The following STRN3 variants were observed in gnomAD, a reference collection of about 807,000 sequenced individuals.
The protein encoded by STRN3 is striatin-3.
In STRN3, 29 loss-of-function variants were observed where a neutral mutation model predicts 95.6. The ratio of observed to expected loss-of-function variants is 0.30; its 90% CI spans 0.23 to 0.41. STRN3 has a LOEUF of 0.41. Among genes scored for constraint, STRN3 ranks in the 10% least tolerant of loss-of-function variants. The pLI is 1.00. For missense variants in STRN3, 890 were observed against 972.1 expected (o/e 0.92, Z 1.12); for synonymous variants, 331 against 357.6 (o/e 0.93, Z 0.84).
chr14:30,935,745 C>CA (rs1423147287), intron 6 of STRN3, among the ~76,000 whole-genome samples: 1 of 151,998 alleles, frequency 6.6e-6, no homozygotes, highest in African/African-American at 2.4e-5. Flanking sequence ...CCTTCCAGAA[C>CA]AAAAAAATTA....
intron 1 of STRN3, among the ~76,000 whole-genome samples, chr14:30,987,611 T>C (rs765353124): frequency 3.9e-5 from 6 of 152,096 alleles, no homozygotes; most frequent in South Asian, 4.1e-4. Flanking sequence ...TATTAGAAAT[T>C]TGGAGGAGCC....
chr14:30,919,881 CT>C (rs1310986767), intron 8 of STRN3, among the ~76,000 whole-genome samples: 3 of 151,968 alleles, frequency 2.0e-5, no homozygotes, highest in Non-Finnish European at 4.4e-5. Context: ...TAACTCTGAA[CT>C]TTAGAAATAG....
chr14:31,011,063 G>C (rs1020563025), intron 1 of STRN3, among the ~76,000 whole-genome samples: 1 of 152,122 alleles, frequency 6.6e-6, no homozygotes, highest in Non-Finnish European at 1.5e-5. Context: ...CATTTTAATT[G>C]AAGTGATTTC....
chr14:30,919,151 C>T, intron 8 of STRN3, 45 bp from the exon 9 acceptor site: 1 of 1,514,770 alleles, frequency 6.6e-7, no homozygotes. Flanking sequence ...ATGGCTACCG[C>T]TTGACTTTCC....
intron 7 of STRN3, among the ~76,000 whole-genome samples, chr14:30,929,973 A>AAAAAAAC (rs1566441507): frequency 1.3e-5 from 2 of 149,816 alleles, no homozygotes; most frequent in African/African-American, 2.4e-5. Context: ...AAAAAAAAAA[A>AAAAAAAC]AAAAAACTCA....
chr14:30,958,382 A>T (rs192365677), intron 1 of STRN3, among the ~76,000 whole-genome samples: 3 of 152,342 alleles, frequency 2.0e-5, no homozygotes, highest in Admixed American at 1.3e-4. Flanking sequence ...AAAAATTTTT[A>T]AAAAGCACTA....
At chr14:30,994,849 T>C (rs1882126639) in intron 1 of STRN3, among the ~76,000 whole-genome samples, 1 of 152,212 alleles carries the variant, frequency 6.6e-6, no homozygotes, top group South Asian at 2.1e-4. Flanking sequence ...AATAATTTGG[T>C]CATTTAACTC....
In STRN3 at chr14:30,911,549, C is replaced by T. The variant is rs56879058; in HGVS notation, c.1598+228G>A. ...AACTCCTGACCTCAAGTGATCTGCC[C>T]GCCTCAGCCTCCGAAAATCCTCAGA... is the stretch of plus-strand genomic sequence containing the variant. On this transcript the variant is annotated intron_variant, in intron 12 of 17. Coordinates refer to ENST00000357479, the MANE Select transcript of STRN3 (RefSeq NM_001083893.2). Among the ~76,000 whole-genome samples, 33 of 152,072 alleles carry T rather than the reference C, an allele frequency of 2.2e-4. No individual in the cohort carries two copies. In the East Asian group the frequency reaches 6.0e-3, roughly 28 times the overall value.
chr14:31,004,434 G>C (rs1029726216), intron 1 of STRN3, among the ~76,000 whole-genome samples: 1 of 152,042 alleles, frequency 6.6e-6, no homozygotes, highest in Admixed American at 6.6e-5. Context: ...GTCTGAAAAA[G>C]AAAAGTACTA....
chr14:30,937,169 C>G (rs954154745), intron 5 of STRN3, among the ~76,000 whole-genome samples: 7 of 151,942 alleles, frequency 4.6e-5, no homozygotes, highest in African/African-American at 1.7e-4. Flanking sequence ...AAAAAATTAC[C>G]TGGGTATGGT....
At chr14:31,014,451 A>C (rs1883142385) in intron 1 of STRN3, among the ~76,000 whole-genome samples, 1 of 151,878 alleles carries the variant, frequency 6.6e-6, no homozygotes, top group Non-Finnish European at 1.5e-5. Context: ...CGAACTCCTA[A>C]TCTTGTGATC....
intron 1 of STRN3, among the ~76,000 whole-genome samples, chr14:30,961,674 T>C (rs1880214647): frequency 6.6e-6 from 1 of 152,154 alleles, no homozygotes; most frequent in South Asian, 2.1e-4. Context: ...CCAGACTGGG[T>C]TGTAGTGTGC....
chr14:30,988,016 G>A (rs2024662), intron 1 of STRN3, among the ~76,000 whole-genome samples: 96,440 of 151,998 alleles, frequency 0.63, 31,623 homozygotes, highest in Non-Finnish European at 0.73. Context: ...GACTACAGGC[G>A]TAAGCCACCG....
intron 5 of STRN3, among the ~76,000 whole-genome samples, chr14:30,937,609 A>G (rs2139080226): frequency 6.6e-6 from 1 of 152,340 alleles, no homozygotes; most frequent in Middle Eastern, 3.4e-3. Flanking sequence ...GGCAGCAACA[A>G]AACAGTAGAA....
At chr14:31,013,071 T>A (rs1883044301) in intron 1 of STRN3, among the ~76,000 whole-genome samples, 1 of 151,956 alleles carries the variant, frequency 6.6e-6, no homozygotes, top group African/African-American at 2.4e-5. Context: ...CCAGCCTGGA[T>A]AACACAGGGA....
intron 16 of STRN3, among the ~76,000 whole-genome samples, chr14:30,898,116 A>G (rs1896206448): frequency 6.6e-6 from 1 of 152,096 alleles, no homozygotes; most frequent in Non-Finnish European, 1.5e-5. Context: ...AACTGGTACT[A>G]GAGGCACACG....
chr14:31,018,742 G>A, intron 1 of STRN3: 1 of 469,732 alleles, frequency 2.1e-6, no homozygotes, highest in Non-Finnish European at 4.2e-6. Flanking sequence ...TGAGGGCCAT[G>A]GTGCTCCGAA....
intron 3 of STRN3, among the ~76,000 whole-genome samples, chr14:30,953,073 T>TA (rs1879731044): frequency 1.3e-5 from 2 of 152,158 alleles, no homozygotes; most frequent in African/African-American, 4.8e-5. Flanking sequence ...CAGATTAACA[T>TA]AAAAAATGAC....
chr14:31,025,937 C>T lies in STRN3; in HGVS notation c.249G>A (p.Arg83=). ...CGGCCCGTTCCACCTCCCAGTGCGC[C>T]CGCTCCATCTCGAACCGAGCCCACT... ...QHEWARFEME[R]AHWEVERAEL... is the part of the protein sequence containing the mutation. The change falls in exon 1 of 18, where the codon CGG becomes CGA. Residue 83 remains arginine (R), a synonymous_variant. Transcript: ENST00000357479. The T allele has an allele frequency of 1.2e-6, 2 of 1,600,648 alleles. No homozygotes were observed. Among genetic ancestry groups the T allele is most frequent in the South Asian group, 2.2e-5 (2 of 89,254 alleles).
Sources: gnomAD v4.1 joint callset for allele counts (sites outside exome capture counted in the v4.1 genomes callset) on GRCh38, gnomAD v4.1.1 for gene constraint, MANE v1.5 for transcripts, NCBI Gene and HGNC (gene_info 2026-07-23, HGNC 2026-07-21) for gene names.